The following MICU3 variants were observed in gnomAD, a reference collection of about 807,000 sequenced individuals.
MICU3 encodes mitochondrial calcium uptake 3.
A neutral mutation model predicts 66.5 loss-of-function variants in MICU3; 62 were observed. The ratio of observed to expected loss-of-function variants is 0.93; its 90% CI spans 0.76 to 1.15. The LOEUF is 1.15. Ranked by LOEUF, MICU3 falls within the 50% of genes most tolerant of loss-of-function variation. The probability of loss-of-function intolerance (pLI) is 0.00; values close to 1 mark genes in which losing one functional copy is unlikely to be tolerated. For missense variants in MICU3, 779 were observed against 664.4 expected, an observed-to-expected ratio of 1.17 and a Z score of -1.90; for synonymous variants, 308 against 240.7, an observed-to-expected ratio of 1.28 and a Z score of -2.59.
In MICU3 at chr8:17,036,472, G is replaced by T. The variant is rs545893561; in HGVS notation, c.381+8812G>T. Among the ~76,000 whole-genome samples the T allele has an allele frequency of 1.3e-3, 205 of 152,260 alleles. 1 individual carries two copies. Among genetic ancestry groups the T allele is most frequent in the African/African-American group, 4.7e-3 (195 of 41,562 alleles). ...GGCCCCATCCACATCCTGCTGATTG[G>T]TAGAGCCGAGTGGCCTGTTTTGTCA... On this transcript the variant is annotated intron_variant, in intron 1 of 14. Coordinates refer to ENST00000318063, the MANE Select transcript of MICU3 (RefSeq NM_181723.3).
chr8:17,129,750 C>T, the MICU3 span, among the ~76,000 whole-genome samples: 1 of 152,074 alleles, frequency 6.6e-6, no homozygotes, highest in Non-Finnish European at 1.5e-5. Context: ...AAAGTACTAA[C>T]CAAAATTCTT....
intron 11 of MICU3, among the ~76,000 whole-genome samples, chr8:17,110,222 C>G (rs933741001): frequency 2.0e-5 from 3 of 151,956 alleles, no homozygotes; most frequent in African/African-American, 7.2e-5. Flanking sequence ...TTGAGTTAGT[C>G]TTTTCCTCTT....
At chr8:17,105,717 C>G (rs1427488814) in intron 11 of MICU3, 133 bp downstream of exon 11, 3 of 459,268 alleles carry the variant, frequency 6.5e-6, no homozygotes, top group African/African-American at 6.1e-5. Flanking sequence ...CATTCTGTGT[C>G]CTAAATGCTC....
At chr8:17,027,937 C>CA (rs917116958) in intron 1 of MICU3, among the ~76,000 whole-genome samples, 6 of 151,954 alleles carry the variant, frequency 3.9e-5, no homozygotes, top group Admixed American at 6.5e-5. Context: ...CCCCCTCTTA[C>CA]AAAAAAAGAT....
In MICU3 at chr8:17,031,261, A is replaced by ATTTTTT. The variant is rs1168836075; in HGVS notation, c.381+3604_381+3605insTTTTTT. Among the ~76,000 whole-genome samples, 114 of 77,416 alleles carry ATTTTTT rather than the reference A, an allele frequency of 1.5e-3. 1 individual carries two copies. Among genetic ancestry groups the ATTTTTT allele is most frequent in the African/African-American group, 7.6e-3 (110 of 14,508 alleles). The allele number at this position is 77,416 out of a possible 152,430, so 50.8% of individuals were successfully genotyped here. ...TATTTTAAACCTATGCTGCCACTTC[A>ATTTTTT]TTTATTATTATTATTATTATTATTA... is the stretch of plus-strand genomic sequence containing the variant. On this transcript the variant is annotated intron_variant, in intron 1 of 14. Coordinates refer to ENST00000318063, the MANE Select transcript of MICU3 (RefSeq NM_181723.3).
intron 3 of MICU3, among the ~76,000 whole-genome samples, chr8:17,073,003 A>G (rs979825120): frequency 6.6e-6 from 1 of 151,858 alleles, no homozygotes; most frequent in South Asian, 2.1e-4. Context: ...TGATCCCCCT[A>G]CCTCAGCCTC....
At chr8:17,099,635 A>G (rs1801086177) in intron 9 of MICU3, among the ~76,000 whole-genome samples, 1 of 151,868 alleles carries the variant, frequency 6.6e-6, no homozygotes, top group South Asian at 2.1e-4. Context: ...CCTTTTCAAT[A>G]TGAGCCATGA....
intron 11 of MICU3, among the ~76,000 whole-genome samples, chr8:17,111,462 C>T (rs1425339719): frequency 6.6e-6 from 1 of 152,264 alleles, no homozygotes; most frequent in South Asian, 2.1e-4. Context: ...GCTAGGAGTA[C>T]AGTCCCATGC....
At chr8:17,103,559 A>G (rs1801466542) in intron 9 of MICU3, among the ~76,000 whole-genome samples, 1 of 151,400 alleles carries the variant, frequency 6.6e-6, no homozygotes. Context: ...TTATGAAATG[A>G]GTTAATGGCC....
At chr8:17,066,114 T>G (rs1818638505) in intron 2 of MICU3, among the ~76,000 whole-genome samples, 1 of 152,060 alleles carries the variant, frequency 6.6e-6, no homozygotes, top group African/African-American at 2.4e-5. Flanking sequence ...TGATAAGTGT[T>G]ATATCCTTTT....
downstream of MICU3, among the ~76,000 whole-genome samples, chr8:17,127,471 C>T (rs2150854325): frequency 1.4e-5 from 1 of 73,324 alleles, no homozygotes; most frequent in South Asian, 4.5e-4. Flanking sequence ...TGTTGTTCAG[C>T]CTATTAAAGC....
chr8:17,084,461 G>A (rs1162317292), intron 5 of MICU3, among the ~76,000 whole-genome samples: 5 of 151,982 alleles, frequency 3.3e-5, no homozygotes, highest in Non-Finnish European at 7.4e-5. Context: ...TGTATCTGTG[G>A]GGGGTCCCTT....
At chr8:17,112,852 C>G (rs537121809) in intron 11 of MICU3, among the ~76,000 whole-genome samples, 2 of 152,176 alleles carry the variant, frequency 1.3e-5, no homozygotes, top group Non-Finnish European at 2.9e-5. Flanking sequence ...ACAGCAGTGA[C>G]TAGTTTTTTT....
chr8:17,114,145 A>G lies in MICU3; in HGVS notation c.1310A>G (p.Glu437Gly). The change falls in exon 12 of 15, where the codon GAA (glutamate) becomes GGA (glycine). Residue 437 changes from glutamate to glycine, a missense_variant. Transcript: ENST00000318063. The part of the protein sequence containing the change: ...RSFFQFLNNL[E>G]DFAIALNMYN... The stretch of plus-strand genomic sequence containing the variant: ...TTTTTCCAGTTTTTAAACAACCTAG[A>G]AGACTTTGCAATAGCCCTGAATATG... 1 of 1,613,318 alleles carries G rather than the reference A, an allele frequency of 6.2e-7. No homozygotes were observed. The highest frequency in any genetic ancestry group is 1.1e-5 in the South Asian group (1 of 90,832).
At chr8:17,041,769 TCC>T (rs1814148121) in intron 1 of MICU3, among the ~76,000 whole-genome samples, 1 of 152,172 alleles carries the variant, frequency 6.6e-6, no homozygotes, top group Non-Finnish European at 1.5e-5. Context: ...GGATGCTGTT[TCC>T]ATTATGACAG....
chr8:17,123,948 TAAAA>T (rs11366018), downstream of MICU3, among the ~76,000 whole-genome samples: 5 of 139,626 alleles, frequency 3.6e-5, no homozygotes, highest in Non-Finnish European at 6.2e-5. Flanking sequence ...CTAAAGTCTT[TAAAA>T]AAAAAAAAAA....
rs533393413 is a variant in MICU3, at chr8:17,121,051, G to T, written c.*764G>T. The T allele has an allele frequency of 2.0e-5, 3 of 151,982 alleles. No individual in the cohort carries two copies. In the East Asian group the frequency reaches 5.8e-4, roughly 29 times the overall value. 9.4% of individuals were successfully genotyped at this position (151,982 alleles called of 1,614,324 possible). A position where few individuals can be genotyped will look rare whatever the true frequency, so the allele number is the denominator to read the frequency against. ...GTTGATAGTAGAAGCAGTGGTAGTT[G>T]TTGTAACAGTAATCATTGTCATTGT... On this transcript the variant is annotated 3_prime_UTR_variant, in exon 15 of 15. Transcript: ENST00000318063.
At chr8:17,071,253 T>A (rs995984148) in intron 3 of MICU3, among the ~76,000 whole-genome samples, 1 of 152,108 alleles carries the variant, frequency 6.6e-6, no homozygotes, top group Non-Finnish European at 1.5e-5. Flanking sequence ...TGAGTGGGTT[T>A]AACACCAGAC....
chr8:17,133,669 T>C, the MICU3 span, among the ~76,000 whole-genome samples: 1 of 152,180 alleles, frequency 6.6e-6, no homozygotes, highest in Non-Finnish European at 1.5e-5. Context: ...CTGGGACTAA[T>C]TTTGTTACCT....
Sources: allele counts gnomAD v4.1 joint callset (sites outside exome capture counted in the v4.1 genomes callset), GRCh38; gene constraint gnomAD v4.1.1; transcripts MANE v1.5; gene names NCBI Gene and HGNC (gene_info 2026-07-23, HGNC 2026-07-21).